Variants in SH3BGRL2 observed in about 807,000 individuals in gnomAD.
SH3BGRL2 encodes the protein SH3 domain binding glutamate rich protein like 2, also known as SH3 domain-binding glutamic acid-rich-like protein 2.
SH3BGRL2 carries 21 observed loss-of-function variants against 14.8 expected under a neutral mutation model. The observed-to-expected ratio is 1.42, with a 90% CI of 1.01 to 2.05. The LOEUF (loss-of-function observed/expected upper bound fraction) is 2.05, where lower values mean the gene tolerates loss of function less well. Among genes scored for constraint, SH3BGRL2 ranks in the 30% most tolerant of loss-of-function variants. The probability of loss-of-function intolerance (pLI) is 0.00; values close to 1 mark genes in which losing one functional copy is unlikely to be tolerated. For missense variants in SH3BGRL2, 147 were observed against 130.8 expected (o/e 1.12, Z -0.61); for synonymous variants, 50 against 47.8 (o/e 1.05, Z -0.19).
chr6:79,674,500 A>G (rs1769842125), intron 2 of SH3BGRL2, among the ~76,000 whole-genome samples: 1 of 152,230 alleles, frequency 6.6e-6, no homozygotes, highest in African/African-American at 2.4e-5. Context: ...GCCTTTTGCC[A>G]TATCTCTAAG....
At chr6:79,606,056 T>C in the SH3BGRL2 span, among the ~76,000 whole-genome samples, 1 of 152,166 alleles carries the variant, frequency 6.6e-6, no homozygotes, top group Non-Finnish European at 1.5e-5. Flanking sequence ...TAAACGTGGC[T>C]CTGCAAGTTG....
chr6:79,684,351 C>CT (rs1770051568), intron 2 of SH3BGRL2, among the ~76,000 whole-genome samples: 2 of 151,994 alleles, frequency 1.3e-5, no homozygotes, highest in South Asian at 4.2e-4. Flanking sequence ...AAACTTGTGC[C>CT]TTATTACTGC....
chr6:79,629,004 G>A (rs1354374374), upstream of SH3BGRL2, among the ~76,000 whole-genome samples: 1 of 152,164 alleles, frequency 6.6e-6, no homozygotes, highest in Admixed American at 6.5e-5. Context: ...AAGGCCAGAT[G>A]TAAATGTATT....
At chr6:79,559,688 T>C in the SH3BGRL2 span, among the ~76,000 whole-genome samples, 975 of 152,270 alleles carry the variant, frequency 6.4e-3, 10 homozygotes, top group African/African-American at 0.022. Context: ...CAATGACAAA[T>C]GTACTGACGT....
the SH3BGRL2 span, among the ~76,000 whole-genome samples, chr6:79,576,050 G>A: frequency 6.6e-6 from 1 of 151,984 alleles, no homozygotes; most frequent in African/African-American, 2.4e-5. Flanking sequence ...AACTAGCAAA[G>A]CCAAAGTTAA....
intron 3 of SH3BGRL2, 121 bp from the exon 4 acceptor site, chr6:79,699,377 G>C (rs1582743807): frequency 2.5e-6 from 3 of 1,182,104 alleles, no homozygotes; most frequent in Non-Finnish European, 3.4e-6. Flanking sequence ...GAGGTGATCT[G>C]TTATGATTTC....
At chr6:79,567,319 G>A in the SH3BGRL2 span, among the ~76,000 whole-genome samples, 1 of 152,080 alleles carries the variant, frequency 6.6e-6, no homozygotes, top group Non-Finnish European at 1.5e-5. Flanking sequence ...AAAGCAAAAG[G>A]TCAAGAATAT....
At chr6:79,664,210 C>T (rs1308807423) in intron 1 of SH3BGRL2, among the ~76,000 whole-genome samples, 1 of 152,210 alleles carries the variant, frequency 6.6e-6, no homozygotes, top group Non-Finnish European at 1.5e-5. Flanking sequence ...GAACCAGGTA[C>T]CTCAGTTGGA....
chr6:79,688,168 C>G (rs4140507), intron 2 of SH3BGRL2, among the ~76,000 whole-genome samples: 56,602 of 150,050 alleles, frequency 0.38, 12,362 homozygotes, highest in South Asian at 0.55. Context: ...TTCACTTGAA[C>G]ATAAACAGAA....
intron 2 of SH3BGRL2, among the ~76,000 whole-genome samples, chr6:79,674,429 G>A (rs2295013): frequency 0.11 from 16,181 of 151,980 alleles, 1,151 homozygotes; most frequent in East Asian, 0.32. Flanking sequence ...ACCTACTTGC[G>A]TACTCCTTAG....
chr6:79,571,548 T>C, the SH3BGRL2 span, among the ~76,000 whole-genome samples: 15 of 152,316 alleles, frequency 9.8e-5, no homozygotes, highest in African/African-American at 3.4e-4. Context: ...TACAACATGA[T>C]GATTGGATAT....
chr6:79,560,146 A>C, the SH3BGRL2 span, among the ~76,000 whole-genome samples: 1 of 152,162 alleles, frequency 6.6e-6, no homozygotes, highest in African/African-American at 2.4e-5. Flanking sequence ...AGGGGACCAA[A>C]ACCTAATAAT....
the SH3BGRL2 span, among the ~76,000 whole-genome samples, chr6:79,620,930 T>A: frequency 6.6e-6 from 1 of 152,278 alleles, no homozygotes; most frequent in South Asian, 2.1e-4. Context: ...TTAAAAGTTT[T>A]TTTAAGTTTT....
chr6:79,642,980 G>A (rs1769060954), intron 1 of SH3BGRL2, among the ~76,000 whole-genome samples: 2 of 152,146 alleles, frequency 1.3e-5, no homozygotes, highest in South Asian at 4.1e-4. Context: ...GAAAAATGTG[G>A]GAGACAGGAG....
At chr6:79,590,412 TAAAG>T in the SH3BGRL2 span, among the ~76,000 whole-genome samples, 2 of 104,668 alleles carry the variant, frequency 1.9e-5, no homozygotes, top group Non-Finnish European at 3.7e-5. Context: ...GTGGACTGGA[TAAAG>T]AAAATGTGAT....
chr6:79,680,501 A>G (rs532359595), intron 2 of SH3BGRL2, among the ~76,000 whole-genome samples: 1 of 152,330 alleles, frequency 6.6e-6, no homozygotes, highest in Admixed American at 6.5e-5. Flanking sequence ...TTTTGAAATC[A>G]GAAAGCATAA....
intron 1 of SH3BGRL2, among the ~76,000 whole-genome samples, chr6:79,646,626 A>G (rs931883931): frequency 1.3e-5 from 2 of 152,184 alleles, no homozygotes; most frequent in African/African-American, 2.4e-5. Context: ...TATGTTTACT[A>G]TGTTGTACAA....
At chr6:79,547,143 G>T in the SH3BGRL2 span, among the ~76,000 whole-genome samples, 214 of 152,134 alleles carry the variant, frequency 1.4e-3, 4 homozygotes, top group African/African-American at 5.1e-3. Context: ...TGTCACTAAG[G>T]CTTAAAGACA....
chr6:79,552,389 G>A, the SH3BGRL2 span, among the ~76,000 whole-genome samples: 2 of 152,208 alleles, frequency 1.3e-5, no homozygotes, highest in East Asian at 3.9e-4. Context: ...GTTTAGGGGA[G>A]TGTGACTTAA....
Sources: gnomAD v4.1 joint callset for allele counts (sites outside exome capture counted in the v4.1 genomes callset) on GRCh38, gnomAD v4.1.1 for gene constraint, MANE v1.5 for transcripts, NCBI Gene and HGNC (gene_info 2026-07-23, HGNC 2026-07-21) for gene names.